Variants in GPD2 observed in about 807,000 individuals in gnomAD.
GPD2 encodes glycerol-3-phosphate dehydrogenase, mitochondrial.
Under a neutral mutation model 82.4 loss-of-function variants are expected in GPD2, and 54 were observed. The ratio of observed to expected loss-of-function variants is 0.66; its 90% CI spans 0.53 to 0.82. The LOEUF (loss-of-function observed/expected upper bound fraction) is 0.82, where lower values mean the gene tolerates loss of function less well. Ranked by LOEUF, GPD2 falls within the 40% of genes least tolerant of loss-of-function variation. GPD2 has a pLI of 0.00. For synonymous variants in GPD2, 288 were observed against 306.1 expected, an observed-to-expected ratio of 0.94 and a Z score of 0.62; for missense variants, 748 against 896.2, an observed-to-expected ratio of 0.83 and a Z score of 2.11.
the GPD2 span, among the ~76,000 whole-genome samples, chr2:156,429,721 T>G: frequency 2.0e-5 from 3 of 152,248 alleles, no homozygotes; most frequent in Non-Finnish European, 2.9e-5. Flanking sequence ...ACTTCATTCT[T>G]GATTCTAACT....
chr2:156,575,860 A>G (rs891650745), intron 13 of GPD2, among the ~76,000 whole-genome samples: 2 of 152,200 alleles, frequency 1.3e-5, no homozygotes, highest in South Asian at 4.1e-4. Flanking sequence ...CTCTGGTAGT[A>G]AGTCATAAGC....
intron 2 of GPD2, among the ~76,000 whole-genome samples, chr2:156,486,745 T>C (rs2105222225): frequency 6.6e-6 from 1 of 152,378 alleles, no homozygotes; most frequent in African/African-American, 2.4e-5. Flanking sequence ...GTAAACTAAT[T>C]GTACAATAGT....
intron 6 of GPD2, among the ~76,000 whole-genome samples, chr2:156,529,270 C>G (rs1685742685): frequency 1.3e-5 from 2 of 151,046 alleles, no homozygotes; most frequent in African/African-American, 4.9e-5. Flanking sequence ...CCTTCGCCCA[C>G]TTTTTGATGG....
In GPD2 at chr2:156,568,909, C is replaced by G; in HGVS notation, c.1250C>G (p.Ser417Cys). The change falls in exon 10 of 17, where the codon TCC becomes TGC. Residue 417 changes from serine (S) to cysteine (C), a missense_variant. By Grantham distance (112) the Ser-to-Cys change is moderately radical (BLOSUM62 -1). Around this residue, in one of 3 missense-constraint regions of GPD2, gnomAD observed 692 missense variants for 809.7 expected, o/e 0.85. Coordinates refer to ENST00000438166, the MANE Select transcript of GPD2 (RefSeq NM_000408.5). ...AAATCTGCAGATACTCAGTCTATCT[C>G]CCGAAATCATGTTGTTGATATCAGT... is the stretch of plus-strand genomic sequence containing the variant. ...DPKSADTQSI[S>C]RNHVVDISES... 1 of 1,611,372 alleles carries G rather than the reference C, an allele frequency of 6.2e-7. No homozygotes were observed. Among genetic ancestry groups the G allele is most frequent in the Non-Finnish European group, 8.5e-7 (1 of 1,177,606 alleles).
rs769701577 is a variant in GPD2 at position 156,584,859 on chromosome 2, T to G, written c.*1941T>G. On this transcript the variant is annotated 3_prime_UTR_variant, in exon 17 of 17. Transcript: ENST00000438166. ...TATACACAATATGGTACATTTGTGC[T>G]CTCTCTCTCTGTTTTTCTCTCTTTC... is the stretch of plus-strand genomic sequence containing the variant. The G allele has an allele frequency of 5.3e-5, 8 of 152,322 alleles. No homozygotes were observed. The highest frequency in any genetic ancestry group is 8.8e-5 in the Non-Finnish European group (6 of 67,884). 9.4% of individuals were successfully genotyped at this position (152,322 alleles called of 1,614,324 possible).
chr2:156,509,528 T>C (rs77084589), intron 3 of GPD2, among the ~76,000 whole-genome samples: 2,937 of 152,190 alleles, frequency 0.019, 98 homozygotes, highest in African/African-American at 0.067. Flanking sequence ...TCCTCATGGC[T>C]TGGTGTCGAT....
At position 156,581,794 on chromosome 2, in the gene GPD2, A is replaced by G. The variant is rs183291027; in HGVS notation, c.2059-999A>G. ...AATAGCTTGTGAAACAGCTTTTAAT[A>G]AGGTCATGAAATTCTGATCCAGCCC... On this transcript the variant is annotated intron_variant, in intron 16 of 16. Transcript: ENST00000438166. Among the ~76,000 whole-genome samples, 890 of 152,128 alleles carry G rather than the reference A, an allele frequency of 5.9e-3. 7 individuals are homozygous for G. Among genetic ancestry groups the G allele is most frequent in the Non-Finnish European group, 9.8e-3 (668 of 67,954 alleles).
At chr2:156,461,473 T>G (rs907715024) in intron 1 of GPD2, among the ~76,000 whole-genome samples, 3 of 152,122 alleles carry the variant, frequency 2.0e-5, no homozygotes, top group Non-Finnish European at 4.4e-5. Flanking sequence ...CCAACTCCTG[T>G]GCTCAAGCAA....
At chr2:156,516,842 A>C (rs1685217197) in intron 6 of GPD2, among the ~76,000 whole-genome samples, 2 of 152,252 alleles carry the variant, frequency 1.3e-5, no homozygotes, top group South Asian at 4.1e-4. Flanking sequence ...GAAAAGTGAA[A>C]TATAATGATG....
intron 8 of GPD2, among the ~76,000 whole-genome samples, chr2:156,555,120 A>G (rs1216735910): frequency 6.6e-6 from 1 of 152,266 alleles, no homozygotes; most frequent in East Asian, 1.9e-4. Flanking sequence ...AAGGGAAAAT[A>G]TGAATTAGGT....
chr2:156,404,047 T>C, the GPD2 span, among the ~76,000 whole-genome samples: 1 of 152,268 alleles, frequency 6.6e-6, no homozygotes, highest in East Asian at 1.9e-4. Context: ...ATTTTGTGTT[T>C]ATATGAGTCA....
intron 2 of GPD2, among the ~76,000 whole-genome samples, chr2:156,481,069 A>AG (rs1372069915): frequency 6.6e-6 from 1 of 152,088 alleles, no homozygotes; most frequent in East Asian, 1.9e-4. Context: ...CGTTATCTTT[A>AG]GAGCAGTCTC....
At position 156,460,735 on chromosome 2, in the gene GPD2, T is replaced by C. The variant is rs187094749; in HGVS notation, c.-8-15363T>C. ...ACTTCTGTTGGCATTTAAGAGGCTC[T>C]CTTAGATGACACTGTCTGTTCATTG... On this transcript the variant is annotated intron_variant, in intron 1 of 16. Coordinates refer to ENST00000438166, the MANE Select transcript of GPD2 (RefSeq NM_000408.5). Among the ~76,000 whole-genome samples, 3 of 152,348 alleles carry C rather than the reference T, an allele frequency of 2.0e-5. No homozygotes were observed. The East Asian group carries it at 5.8e-4, about 29-fold the overall frequency.
upstream of GPD2, among the ~76,000 whole-genome samples, chr2:156,432,050 C>A (rs1688321934): frequency 6.6e-6 from 1 of 151,964 alleles, no homozygotes; most frequent in African/African-American, 2.4e-5. Flanking sequence ...CCAGACCTGG[C>A]TAATTTTTGT....
At chr2:156,495,747 A>G in intron 2 of GPD2, 2 of 404,200 alleles carry the variant, frequency 4.9e-6, no homozygotes, top group Non-Finnish European at 9.7e-6. Context: ...GTATTTGGGA[A>G]TTGCTATACA....
intron 3 of GPD2, among the ~76,000 whole-genome samples, chr2:156,498,352 C>T (rs1379010836): frequency 6.6e-6 from 1 of 152,090 alleles, no homozygotes; most frequent in Non-Finnish European, 1.5e-5. Context: ...AGGGCCATTA[C>T]GGACACTGAA....
intron 12 of GPD2, among the ~76,000 whole-genome samples, chr2:156,570,886 G>T (rs1226073853): frequency 6.6e-5 from 10 of 152,114 alleles, no homozygotes; most frequent in Non-Finnish European, 1.5e-4. Flanking sequence ...GCATGTTTAT[G>T]CCAGGTTCTA....
At chr2:156,443,178 C>T (rs1172977815) in intron 1 of GPD2, among the ~76,000 whole-genome samples, 1 of 152,216 alleles carries the variant, frequency 6.6e-6, no homozygotes, top group East Asian at 1.9e-4. Context: ...CATTTTCCCT[C>T]ACAGCCCCAG....
chr2:156,527,525 G>A (rs905406253), intron 6 of GPD2, among the ~76,000 whole-genome samples: 23 of 151,644 alleles, frequency 1.5e-4, no homozygotes, highest in Non-Finnish European at 3.2e-4. Context: ...ACAGGCACAC[G>A]CAACTAACCT....
Sources: gnomAD v4.1 joint callset for allele counts (sites outside exome capture counted in the v4.1 genomes callset) on GRCh38, gnomAD v4.1.1 for gene constraint, gnomAD v4.1.1 regional missense constraint, MANE v1.5 for transcripts, NCBI Gene and HGNC (gene_info 2026-07-23, HGNC 2026-07-21) for gene names.